RBFOX1: variants seen among roughly 807,000 people sequenced by gnomAD.
RBFOX1 encodes the protein RNA binding protein fox-1 homolog 1.
Under a neutral mutation model 57.7 loss-of-function variants are expected in RBFOX1, and 8 were observed. The observed-to-expected ratio is 0.14, with a 90% CI of 0.08 to 0.25. The LOEUF (loss-of-function observed/expected upper bound fraction) is 0.25. Ranked by LOEUF, RBFOX1 falls within the 10% of genes least tolerant of loss-of-function variation. RBFOX1 has a pLI of 1.00. For synonymous variants in RBFOX1, 326 were observed against 222.4 expected, an observed-to-expected ratio of 1.47 and a Z score of -4.15; for missense variants, 611 against 548.5, an observed-to-expected ratio of 1.11 and a Z score of -1.14.
chr16:7,497,646 G>A (rs1446437480), intron 4 of RBFOX1, among the ~76,000 whole-genome samples: 1 of 152,206 alleles, frequency 6.6e-6, no homozygotes, highest in Non-Finnish European at 1.5e-5. Flanking sequence ...GGTACCTCTA[G>A]TGCATTTCTA....
chr16:7,702,310 TCTTTGTC>T (rs1448706168), intron 14 of RBFOX1, among the ~76,000 whole-genome samples: 4 of 152,310 alleles, frequency 2.6e-5, no homozygotes, highest in African/African-American at 9.6e-5. Context: ...GGGCTACATT[TCTTTGTC>T]CTTTGAAGTG....
intron 4 of RBFOX1, among the ~76,000 whole-genome samples, chr16:7,392,052 C>A (rs1260360112): frequency 6.6e-6 from 1 of 152,226 alleles, no homozygotes; most frequent in Non-Finnish European, 1.5e-5. Context: ...TCATTTGCCA[C>A]CACAATACTT....
intron 3 of RBFOX1, among the ~76,000 whole-genome samples, chr16:6,674,350 C>CACG (rs1568157918): frequency 4.0e-5 from 6 of 151,486 alleles, no homozygotes; most frequent in Non-Finnish European, 8.8e-5. Flanking sequence ...GAGTCAGAGT[C>CACG]TCACTCTGTT....
intron 5 of RBFOX1, among the ~76,000 whole-genome samples, chr16:7,536,781 T>C (rs1345788823): frequency 6.6e-6 from 1 of 152,164 alleles, no homozygotes; most frequent in African/African-American, 2.4e-5. Context: ...TGGTAGTAGC[T>C]TGTTACCTCC....
Position 6,857,185 on chromosome 16 carries a change from C to T in RBFOX1, c.-15-194872C>T, listed in dbSNP as rs1311351831. Among the ~76,000 whole-genome samples, 3 of 152,140 alleles carry T rather than the reference C, an allele frequency of 2.0e-5. 1 individual carries two copies. The highest frequency in any genetic ancestry group is 4.4e-5 in the Non-Finnish European group (3 of 68,024). ...TTTTAAAAAGACTTTCAGGTTCCTGCTGATTTGGGACTTTGGCTCTCTCTA... is the reference window on the plus strand; with the variant it reads ...TTTTAAAAAGACTTTCAGGTTCCTGTTGATTTGGGACTTTGGCTCTCTCTA... On this transcript the variant is annotated intron_variant, in intron 3 of 15. Transcript: ENST00000550418.
intron 3 of RBFOX1, among the ~76,000 whole-genome samples, chr16:6,781,578 C>A (rs1304389162): frequency 1.3e-5 from 2 of 152,040 alleles, no homozygotes; most frequent in Non-Finnish European, 2.9e-5. Flanking sequence ...TGGTGAGAAT[C>A]TTTTTATTAC....
At chr16:7,435,727 G>T (rs1411493423) in intron 4 of RBFOX1, among the ~76,000 whole-genome samples, 1 of 152,188 alleles carries the variant, frequency 6.6e-6, no homozygotes, top group Non-Finnish European at 1.5e-5. Flanking sequence ...GGTGGGCTTA[G>T]TTGCAGGGCT....
chr16:5,418,761 C>T (rs562518666), intron 1 of RBFOX1, among the ~76,000 whole-genome samples: 1 of 152,170 alleles, frequency 6.6e-6, no homozygotes, highest in African/African-American at 2.4e-5. Context: ...TCCCTCTCTC[C>T]TTTCCTTCCT....
chr16:5,255,518 A>G (rs2062571104), intron 1 of RBFOX1, among the ~76,000 whole-genome samples: 1 of 150,918 alleles, frequency 6.6e-6, no homozygotes, highest in South Asian at 2.1e-4. Flanking sequence ...CTACTTACCC[A>G]TGCATCTATC....
At chr16:7,281,123 C>T (rs941027377) in intron 4 of RBFOX1, among the ~76,000 whole-genome samples, 6 of 151,826 alleles carry the variant, frequency 4.0e-5, no homozygotes, top group Admixed American at 1.3e-4. Context: ...CTGCCTCAGC[C>T]TCCTGAATAG....
At chr16:5,901,145 C>T (rs892257177) in intron 4 of RBFOX1, among the ~76,000 whole-genome samples, 1 of 152,186 alleles carries the variant, frequency 6.6e-6, no homozygotes, top group African/African-American at 2.4e-5. Context: ...TCAGCAGCAG[C>T]CCAGTCATGT....
intron 11 of RBFOX1, among the ~76,000 whole-genome samples, chr16:7,637,769 G>C (rs184500572): frequency 6.6e-6 from 1 of 152,126 alleles, no homozygotes; most frequent in Non-Finnish European, 1.5e-5. Context: ...TATGGAGGGG[G>C]TGCTTAACAA....
At chr16:6,701,204 AG>A (rs1318130030) in intron 3 of RBFOX1, among the ~76,000 whole-genome samples, 3 of 151,868 alleles carry the variant, frequency 2.0e-5, no homozygotes, top group Non-Finnish European at 4.4e-5. Context: ...TACCTCTCTC[AG>A]TCATTGGATG....
chr16:6,990,983 G>C (rs1047703156), intron 3 of RBFOX1, among the ~76,000 whole-genome samples: 3 of 151,980 alleles, frequency 2.0e-5, no homozygotes, highest in Non-Finnish European at 2.9e-5. Context: ...TCTGTGTCCA[G>C]ATATTCTAAT....
Position 5,990,379 on chromosome 16 carries a change from A to G in RBFOX1, c.351+123044A>G, listed in dbSNP as rs556108020. 2.0e-4 allele frequency among the ~76,000 whole-genome samples: 31 copies of G among 152,318 alleles called. No individual in the cohort carries two copies. The South Asian group carries it at 6.0e-3, about 30-fold the overall frequency. ...ATGAACTATAACAACATTATATACC[A>G]TAGGCTGAGCACTGGACAAAGCATT... On this transcript the variant is annotated intron_variant, in intron 4 of 19. Transcript: ENST00000641259.
At chr16:6,045,408 T>C (rs921569825) in intron 1 of RBFOX1, among the ~76,000 whole-genome samples, 1 of 152,156 alleles carries the variant, frequency 6.6e-6, no homozygotes, top group African/African-American at 2.4e-5. Flanking sequence ...ATTTGGATGA[T>C]CGAATTACAG....
intron 3 of RBFOX1, among the ~76,000 whole-genome samples, chr16:6,918,110 A>T (rs960383210): frequency 6.6e-6 from 1 of 152,086 alleles, no homozygotes; most frequent in Non-Finnish European, 1.5e-5. Flanking sequence ...AACATGGTGA[A>T]ACCCCTGTCT....
chr16:5,575,093 G>A lies in RBFOX1; in HGVS notation c.259-23809G>A, dbSNP rs1037175108. 7.9e-5 allele frequency among the ~76,000 whole-genome samples: 12 copies of A among 152,084 alleles called. 1 individual carries two copies. Among genetic ancestry groups the A allele is most frequent in the Non-Finnish European group, 1.3e-4 (9 of 68,022 alleles). On this transcript the variant is annotated intron_variant, in intron 2 of 2. Coordinates refer to the RBFOX1 transcript ENST00000585867. The stretch of plus-strand genomic sequence containing the variant: ...GCATCTCCTGAAGGATTTCCCATTG[G>A]GATTATTTTATTACCTTGGAAGTGC...
At chr16:5,536,068 T>A (rs1328397927) in intron 2 of RBFOX1, among the ~76,000 whole-genome samples, 6 of 151,110 alleles carry the variant, frequency 4.0e-5, no homozygotes, top group Non-Finnish European at 8.8e-5. Flanking sequence ...GCCTGCCAGG[T>A]AGGCTGAGAA....
Sources: allele counts gnomAD v4.1 joint callset (sites outside exome capture counted in the v4.1 genomes callset), GRCh38; gene constraint gnomAD v4.1.1; transcripts MANE v1.5; gene names NCBI Gene and HGNC (gene_info 2026-07-23, HGNC 2026-07-21).